SH3GL2: variants seen among roughly 807,000 people sequenced by gnomAD.
SH3GL2 encodes SH3 domain containing GRB2 like 2, endophilin A1, also known as endophilin-A1.
Under a neutral mutation model 46.0 loss-of-function variants are expected in SH3GL2, and 24 were observed. The observed-to-expected ratio is 0.52, with a 90% CI of 0.38 to 0.73. The LOEUF (loss-of-function observed/expected upper bound fraction) is 0.73, where lower values mean the gene tolerates loss of function less well. Ranked by LOEUF, SH3GL2 falls within the 30% of genes least tolerant of loss-of-function variation. The pLI, the probability that SH3GL2 is intolerant of heterozygous loss-of-function variation, is 0.00. For missense variants in SH3GL2, 413 were observed against 424.2 expected (o/e 0.97, Z 0.23); for synonymous variants, 196 against 147.1 (o/e 1.33, Z -2.40).
rs533058108 is a variant in SH3GL2 at position 17,579,151 on chromosome 9, C to G, written c.-92C>G. Reference sequence around the variant, plus strand: ...GCCCCGGCGGCGGCACGACCAGAGGCGGCCAGGGGAGCGCGCCGCCCCGCT... The same window carrying G: ...GCCCCGGCGGCGGCACGACCAGAGGGGGCCAGGGGAGCGCGCCGCCCCGCT... On this transcript the variant is annotated 5_prime_UTR_variant, in exon 1 of 9. Coordinates refer to ENST00000380607, the MANE Select transcript of SH3GL2 (RefSeq NM_003026.5). The G allele has an allele frequency of 3.5e-6, 3 of 865,392 alleles. No individual in the cohort carries two copies. Among genetic ancestry groups the G allele is most frequent in the Non-Finnish European group, 3.3e-6 (2 of 604,966 alleles). The allele number at this position is 865,392 out of a possible 1,614,324, so 53.6% of individuals were successfully genotyped here. A position where few individuals can be genotyped will look rare whatever the true frequency, so the allele number is the denominator to read the frequency against.
chr9:17,651,205 C>T (rs1371376542), intron 1 of SH3GL2, among the ~76,000 whole-genome samples: 1 of 151,800 alleles, frequency 6.6e-6, no homozygotes, highest in Non-Finnish European at 1.5e-5. Context: ...CCATTTTTTT[C>T]TCCATGTATA....
intron 1 of SH3GL2, among the ~76,000 whole-genome samples, chr9:17,679,090 G>C (rs1820693706): frequency 6.6e-6 from 1 of 152,006 alleles, no homozygotes; most frequent in Non-Finnish European, 1.5e-5. Flanking sequence ...TGTTCTTTTG[G>C]CTTAGGATTG....
At position 17,778,615 on chromosome 9, in the gene SH3GL2, A is replaced by G. The variant is rs538556618; in HGVS notation, c.188-7766A>G. Among the ~76,000 whole-genome samples the G allele has an allele frequency of 2.0e-5, 3 of 152,232 alleles. No individual in the cohort carries two copies. In the South Asian group the frequency reaches 6.2e-4, roughly 32 times the overall value. On this transcript the variant is annotated intron_variant, in intron 3 of 8. Transcript: ENST00000380607. ...AGTGATGTGATCTAAATTACACTAA[A>G]TAGGACTGTCCTTACTCTTCTATTG...
chr9:17,681,689 C>A (rs1820771198), intron 1 of SH3GL2, among the ~76,000 whole-genome samples: 1 of 152,110 alleles, frequency 6.6e-6, no homozygotes, highest in South Asian at 2.1e-4. Context: ...CAACAAAAGT[C>A]AAAATTGGCA....
intron 1 of SH3GL2, among the ~76,000 whole-genome samples, chr9:17,620,439 T>G (rs547103520): frequency 6.6e-6 from 1 of 152,296 alleles, no homozygotes; most frequent in African/African-American, 2.4e-5. Flanking sequence ...CCAACAACCC[T>G]ATGAGGTAGA....
chr9:17,632,888 A>G (rs1175241072), intron 1 of SH3GL2, among the ~76,000 whole-genome samples: 1 of 152,230 alleles, frequency 6.6e-6, no homozygotes. Flanking sequence ...GTAAACAGGT[A>G]ACGGATTGTG....
rs142047805 is a variant in SH3GL2 at position 17,682,131 on chromosome 9, C to T, written c.46-64935C>T. Among the ~76,000 whole-genome samples the T allele has an allele frequency of 6.5e-3, 987 of 152,234 alleles. 5 individuals carry two copies. The highest frequency in any genetic ancestry group is 9.8e-3 in the Non-Finnish European group (666 of 68,004). On this transcript the variant is annotated intron_variant, in intron 1 of 8. Coordinates refer to ENST00000380607, the MANE Select transcript of SH3GL2 (RefSeq NM_003026.5). ...TTGGTGGGAATGTAAATTAGTTCAA[C>T]CATTTTGGAAGACAGTGTGGCGATT... is the stretch of plus-strand genomic sequence containing the variant.
At chr9:17,770,281 G>T (rs1198294276) in intron 3 of SH3GL2, among the ~76,000 whole-genome samples, 1 of 152,140 alleles carries the variant, frequency 6.6e-6, no homozygotes, top group African/African-American at 2.4e-5. Flanking sequence ...TTTTGAATGA[G>T]AAAACTGAAG....
intron 1 of SH3GL2, among the ~76,000 whole-genome samples, chr9:17,618,897 C>T (rs1026753378): frequency 2.0e-5 from 3 of 151,560 alleles, no homozygotes; most frequent in African/African-American, 7.3e-5. Context: ...AAGAGAGAAA[C>T]GTCTGAAAAA....
intron 1 of SH3GL2, among the ~76,000 whole-genome samples, chr9:17,726,174 G>A (rs531872399): frequency 1.3e-5 from 2 of 152,258 alleles, no homozygotes; most frequent in Admixed American, 1.3e-4. Flanking sequence ...CACCAAGAGA[G>A]GATCTGCTAA....
chr9:17,761,061 A>G (rs1291504132), intron 2 of SH3GL2, among the ~76,000 whole-genome samples: 4 of 152,260 alleles, frequency 2.6e-5, no homozygotes, highest in African/African-American at 9.6e-5. Context: ...TTGATGCTGC[A>G]TGATTCTTTC....
intron 1 of SH3GL2, among the ~76,000 whole-genome samples, chr9:17,670,170 G>T (rs189939568): frequency 6.6e-6 from 1 of 152,220 alleles, no homozygotes; most frequent in African/African-American, 2.4e-5. Context: ...TCAAAAAGGG[G>T]AGGTAGAATC....
At chr9:17,721,880 A>C (rs566117017) in intron 1 of SH3GL2, among the ~76,000 whole-genome samples, 173 of 152,172 alleles carry the variant, frequency 1.1e-3, no homozygotes, top group African/African-American at 3.8e-3. Flanking sequence ...GGAGAACCCT[A>C]ATATAACCAC....
chr9:17,636,024 C>G (rs1819534764), intron 1 of SH3GL2, among the ~76,000 whole-genome samples: 1 of 152,178 alleles, frequency 6.6e-6, no homozygotes, highest in Non-Finnish European at 1.5e-5. Context: ...TGAAGCTTTG[C>G]TTTCTAGGCA....
chr9:17,787,330 G>A (rs753391888), intron 4 of SH3GL2, 50 bp from the exon 5 acceptor site: 4 of 1,542,336 alleles, frequency 2.6e-6, no homozygotes, highest in Non-Finnish European at 3.6e-6. Context: ...GTTATTGCGA[G>A]TGCATTTCAT....
chr9:17,623,502 A>G (rs2134607326), intron 1 of SH3GL2, among the ~76,000 whole-genome samples: 1 of 152,294 alleles, frequency 6.6e-6, no homozygotes, highest in South Asian at 2.1e-4. Flanking sequence ...GAAATCCAGA[A>G]GAGATTGATG....
intron 2 of SH3GL2, among the ~76,000 whole-genome samples, chr9:17,758,644 C>A (rs1280387325): frequency 6.8e-6 from 1 of 146,046 alleles, no homozygotes; most frequent in African/African-American, 2.5e-5. Context: ...AAAGTGGGTC[C>A]CTCTTTAGTA....
chr9:17,618,793 TTGTGTGTG>T (rs149930816), intron 1 of SH3GL2, among the ~76,000 whole-genome samples: 3 of 149,484 alleles, frequency 2.0e-5, no homozygotes, highest in Admixed American at 6.7e-5. Context: ...TTGGCTTATT[TTGTGTGTG>T]TGTGTGTGTG....
At chr9:17,756,433 G>A (rs1319639452) in intron 2 of SH3GL2, among the ~76,000 whole-genome samples, 4 of 150,832 alleles carry the variant, frequency 2.7e-5, no homozygotes, top group East Asian at 2.0e-4. Flanking sequence ...CCATTAACTC[G>A]TCATTTACAT....
Sources: gnomAD v4.1 joint callset for allele counts (sites outside exome capture counted in the v4.1 genomes callset) on GRCh38, gnomAD v4.1.1 for gene constraint, MANE v1.5 for transcripts, NCBI Gene and HGNC (gene_info 2026-07-23, HGNC 2026-07-21) for gene names.